The following KIAA1549 variants were observed in gnomAD, a reference collection of about 807,000 sequenced individuals.
KIAA1549 encodes the protein UPF0606 protein KIAA1549.
Under a neutral mutation model 156.4 loss-of-function variants are expected in KIAA1549, and 70 were observed. That is an observed-to-expected ratio of 0.45 (90% CI 0.37 to 0.55). The LOEUF (loss-of-function observed/expected upper bound fraction) is 0.55. Among genes scored for constraint, KIAA1549 ranks in the 20% least tolerant of loss-of-function variants. The probability of loss-of-function intolerance (pLI) is 0.00; values close to 1 mark genes in which losing one functional copy is unlikely to be tolerated. For missense variants in KIAA1549, 2,428 were observed against 2,540.9 expected (o/e 0.96, Z 0.96); for synonymous variants, 1,103 against 1,066.4 (o/e 1.03, Z -0.67).
At chr7:138,891,310 G>A (rs538898208) in intron 10 of KIAA1549, among the ~76,000 whole-genome samples, 3 of 152,336 alleles carry the variant, frequency 2.0e-5, no homozygotes, top group Non-Finnish European at 4.4e-5. Flanking sequence ...GGGCAGTCAG[G>A]AGCTCTGGTC....
intron 15 of KIAA1549, among the ~76,000 whole-genome samples, chr7:138,863,708 G>A (rs1432320188): frequency 2.0e-5 from 3 of 152,166 alleles, no homozygotes; most frequent in East Asian, 1.9e-4. Context: ...AGCAGCGACT[G>A]CCCTCGTGGG....
At position 138,838,066 on chromosome 7, in the gene KIAA1549, A is replaced by T; in HGVS notation, c.5693T>A (p.Leu1898His). The T allele has an allele frequency of 6.3e-7, 1 of 1,593,406 alleles. No individual in the cohort carries two copies. Among genetic ancestry groups the T allele is most frequent in the South Asian group, 1.1e-5 (1 of 87,680 alleles). ...GREPSAPSGN[L>H]PHRGLQGPGL... ...AGGGCCCTGCAGTCCCCGGTGGGGG[A>T]GGTTCCCGGAAGGAGCTGAGGGCTC... Residue 1898 changes from leucine to histidine, a missense_variant, in exon 20 of 20, where the codon CTC (leucine) becomes CAC (histidine). By Grantham distance (99) the Leu-to-His change is moderately conservative. This residue lies in a region of KIAA1549 where 363 missense variants were observed against 354.0 expected (regional missense o/e 1.03). Coordinates refer to ENST00000422774, the MANE Select transcript of KIAA1549 (RefSeq NM_001164665.2).
chr7:138,908,844 ACG>A, intron 5 of KIAA1549, 145 bp downstream of exon 5: 1 of 913,442 alleles, frequency 1.1e-6, no homozygotes, highest in Admixed American at 2.7e-5. Flanking sequence ...TGCCGACCTT[ACG>A]CCACAGGAAT....
chr7:138,884,502 A>G (rs369879727), intron 10 of KIAA1549, among the ~76,000 whole-genome samples: 16 of 152,194 alleles, frequency 1.1e-4, no homozygotes, highest in African/African-American at 3.4e-4. Context: ...AGATTATAAG[A>G]CAGATAGAAC....
At chr7:138,930,035 G>A (rs1812827902) in intron 1 of KIAA1549, among the ~76,000 whole-genome samples, 2 of 152,072 alleles carry the variant, frequency 1.3e-5, no homozygotes, top group African/African-American at 4.8e-5. Flanking sequence ...TTGATCCATG[G>A]GTTGCAGAAT....
At position 138,917,772 on chromosome 7, in the gene KIAA1549, A is replaced by G. The variant is rs61732262; in HGVS notation, c.1854T>C (p.Gly618=). Residue 618 remains glycine, a synonymous_variant, in exon 2 of 20, where the codon GGT becomes GGC. Transcript: ENST00000422774. ...RSSFSEHKPR[G]ALDFASSFFS... is the part of the protein sequence containing the mutation. ...AAAAGCTGGATGCAAAATCCAAAGC[A>G]CCTCTGGGTTTATGCTCAGAAAAAC... 1,797 of 1,580,064 alleles carry G rather than the reference A, an allele frequency of 1.1e-3. 5 individuals are homozygous for G. Among genetic ancestry groups the G allele is most frequent in the South Asian group, 1.9e-3 (163 of 86,452 alleles).
intron 16 of KIAA1549, among the ~76,000 whole-genome samples, chr7:138,859,083 C>T (rs1170489042): frequency 2.0e-5 from 3 of 151,634 alleles, no homozygotes; most frequent in South Asian, 2.1e-4. Flanking sequence ...ATAATTTTCT[C>T]GTAGTTATGG....
In KIAA1549 at chr7:138,904,612, C is replaced by T. The variant is rs541048545; in HGVS notation, c.3520+410G>A. ...CATACCTCTAAATATCTGACCCACT[C>T]CCCTAAGACAAAAAAAAAAAAAAAA... On this transcript the variant is annotated intron_variant, in intron 7 of 19. Coordinates refer to ENST00000422774, the MANE Select transcript of KIAA1549 (RefSeq NM_001164665.2). Among the ~76,000 whole-genome samples, 30 of 147,924 alleles carry T rather than the reference C, an allele frequency of 2.0e-4. 1 individual carries two copies. Among genetic ancestry groups the T allele is most frequent in the African/African-American group, 7.1e-4 (28 of 39,290 alleles).
chr7:138,853,958 AATAGCTGTCCGCTTATT>A (rs1810304705), intron 16 of KIAA1549, among the ~76,000 whole-genome samples: 1 of 152,148 alleles, frequency 6.6e-6, no homozygotes, highest in African/African-American at 2.4e-5. Flanking sequence ...AACAATGAAA[AATAGCTGTCCGCTTATT>A]ATCTGTTGTA....
At chr7:138,935,173 C>G (rs1476053162) in intron 1 of KIAA1549, among the ~76,000 whole-genome samples, 3 of 152,156 alleles carry the variant, frequency 2.0e-5, no homozygotes, top group Non-Finnish European at 4.4e-5. Context: ...TACTGAAATA[C>G]TAATACTGCA....
At position 138,919,090 on chromosome 7, in the gene KIAA1549, G is replaced by A; in HGVS notation, c.536C>T (p.Thr179Ile). 1.2e-6 allele frequency: 2 copies of A among 1,614,002 alleles called. No individual in the cohort carries two copies. The highest frequency in any genetic ancestry group is 1.7e-6 in the Non-Finnish European group (2 of 1,179,884). ...CCTGGGCAGCCCTGGTGGGCTGACTGTGATATACTGTATTGGAGAAACCAT... is the reference window on the plus strand; with the variant it reads ...CCTGGGCAGCCCTGGTGGGCTGACTATGATATACTGTATTGGAGAAACCAT... The part of the protein sequence containing the change: ...PRMVSPIQYI[T>I]VSPPGLPREA... Residue 179 changes from threonine to isoleucine, a missense_variant, in exon 2 of 20, where the codon ACA becomes ATA. By Grantham distance (89) the Thr-to-Ile change is moderately conservative (BLOSUM62 -1). Transcript: ENST00000422774.
chr7:138,875,819 A>G (rs1421386244), intron 12 of KIAA1549, among the ~76,000 whole-genome samples: 2 of 151,964 alleles, frequency 1.3e-5, no homozygotes, highest in Non-Finnish European at 2.9e-5. Context: ...CCCCCGAGAC[A>G]GGGTCTCGCT....
Position 138,856,044 on chromosome 7 carries a change from T to G in KIAA1549, c.5248-3775A>C, listed in dbSNP as rs1810380617. Among the ~76,000 whole-genome samples the G allele has an allele frequency of 4.0e-5, 6 of 151,590 alleles. No homozygotes were observed. In the South Asian group the frequency reaches 1.3e-3, roughly 32 times the overall value. On this transcript the variant is annotated intron_variant, in intron 16 of 19. Coordinates refer to ENST00000422774, the MANE Select transcript of KIAA1549 (RefSeq NM_001164665.2). ...TTTTTATTATTTATTTTATTTTTTTTTTTTTGAGACAGAGTCTCACTCTTC... is the reference window on the plus strand; with the variant it reads ...TTTTTATTATTTATTTTATTTTTTTGTTTTTGAGACAGAGTCTCACTCTTC...
chr7:138,877,017 C>A (rs571052000), intron 12 of KIAA1549, among the ~76,000 whole-genome samples: 1 of 152,288 alleles, frequency 6.6e-6, no homozygotes, highest in African/African-American at 2.4e-5. Context: ...CGTCAACAGC[C>A]TTGCCAAGAA....
intron 1 of KIAA1549, among the ~76,000 whole-genome samples, chr7:138,936,337 C>T (rs1813008455): frequency 6.6e-6 from 1 of 152,150 alleles, no homozygotes; most frequent in Non-Finnish European, 1.5e-5. Context: ...CCCCATATGC[C>T]ACTTAATAGC....
At chr7:138,971,135 T>G (rs889903402) in intron 1 of KIAA1549, among the ~76,000 whole-genome samples, 4 of 152,028 alleles carry the variant, frequency 2.6e-5, no homozygotes, top group African/African-American at 9.7e-5. Context: ...ACAAGCAGAG[T>G]GTCTGCCTGG....
Position 138,894,380 on chromosome 7 carries a change from G to T in KIAA1549, c.3994C>A (p.Gln1332Lys). ...TGAATGTTGGCCACAGTGTCAGGCT[G>T]AAAGTCTAGCTTGTCTGTGCGGCAT... The part of the protein sequence containing the change: ...KLCRTDKLDF[Q>K]PDTVANIQQR... Residue 1332 changes from glutamine (Q) to lysine (K), a missense_variant, in exon 10 of 20, where the codon CAG (glutamine) becomes AAG (lysine). Gln to Lys is a moderately conservative substitution (Grantham distance 53). Transcript: ENST00000422774. The T allele has an allele frequency of 6.2e-7, 1 of 1,614,006 alleles. No individual in the cohort carries two copies. The highest frequency in any genetic ancestry group is 2.2e-5 in the East Asian group (1 of 44,890).
chr7:138,948,931 G>A (rs2774968), intron 1 of KIAA1549, among the ~76,000 whole-genome samples: 1 of 151,612 alleles, frequency 6.6e-6, no homozygotes, highest in Non-Finnish European at 1.5e-5. Flanking sequence ...TCTCAAACTC[G>A]CAACCTCAGG....
chr7:138,918,128 T>A lies in KIAA1549; in HGVS notation c.1498A>T (p.Ile500Phe). Residue 500 changes from isoleucine to phenylalanine, a missense_variant, in exon 2 of 20, where the codon ATC becomes TTC. Ile to Phe is a conservative substitution (Grantham distance 21). This residue lies in a region of KIAA1549 where 893 missense variants were observed against 847.9 expected (regional missense o/e 1.05). Coordinates refer to ENST00000422774, the MANE Select transcript of KIAA1549 (RefSeq NM_001164665.2). The surrounding 1 kb of genome is among the most constrained non-coding windows in gnomAD (Gnocchi z 4.2). Reference protein sequence around the residue: ...IVPLSSRSMEISETSVGISAE... With the variant: ...IVPLSSRSMEFSETSVGISAE... ...GAAATGCCAACACTCGTCTCTGAGA[T>A]TTCCATGGATCTAGAAGAAAGTGGG... is the stretch of plus-strand genomic sequence containing the variant. The A allele has an allele frequency of 6.2e-7, 1 of 1,613,972 alleles. No individual in the cohort carries two copies. The highest frequency in any genetic ancestry group is 8.5e-7 in the Non-Finnish European group (1 of 1,179,896).
Sources: gnomAD v4.1 joint callset for allele counts (sites outside exome capture counted in the v4.1 genomes callset) on GRCh38, gnomAD v4.1.1 for gene constraint, gnomAD v4.1.1 regional missense constraint, Gnocchi (gnomAD v3.1) non-coding constraint, MANE v1.5 for transcripts, NCBI Gene and HGNC (gene_info 2026-07-23, HGNC 2026-07-21) for gene names.